The following RGS6 variants were observed in gnomAD, a reference collection of about 807,000 sequenced individuals.
RGS6 encodes regulator of G protein signaling 6, also known as regulator of G-protein signaling 6.
RGS6 carries 30 observed loss-of-function variants against 78.5 expected under a neutral mutation model. That is an observed-to-expected ratio of 0.38 (90% confidence interval 0.29 to 0.52). The LOEUF is 0.52. Among genes scored for constraint, RGS6 ranks in the 20% least tolerant of loss-of-function variants. The pLI is 0.85. For synonymous variants in RGS6, 206 were observed against 206.0 expected (o/e 1.00, Z 0.00); for missense variants, 495 against 609.7 (o/e 0.81, Z 1.98).
intron 3 of RGS6, among the ~76,000 whole-genome samples, chr14:72,399,479 T>C (rs2092045777): frequency 6.6e-6 from 1 of 152,068 alleles, no homozygotes. Flanking sequence ...GTCTTGACTC[T>C]ATCCAATTTG....
At chr14:72,189,617 A>G (rs1039232985) in intron 2 of RGS6, among the ~76,000 whole-genome samples, 9 of 152,088 alleles carry the variant, frequency 5.9e-5, no homozygotes, top group Non-Finnish European at 1.3e-4. Flanking sequence ...TAGTCATTAC[A>G]TACCTAGCTG....
At chr14:72,336,283 C>T (rs887700176) in intron 2 of RGS6, among the ~76,000 whole-genome samples, 7 of 152,268 alleles carry the variant, frequency 4.6e-5, no homozygotes, top group African/African-American at 1.7e-4. Context: ...ACTCCTGATT[C>T]TAGAAAACAG....
chr14:72,435,267 T>A (rs1429208492), intron 3 of RGS6, among the ~76,000 whole-genome samples: 1 of 152,220 alleles, frequency 6.6e-6, no homozygotes, highest in Non-Finnish European at 1.5e-5. Context: ...AGAATACATT[T>A]CTGTTGTCCT....
intron 8 of RGS6, among the ~76,000 whole-genome samples, chr14:72,471,358 G>A (rs1193499253): frequency 1.3e-5 from 2 of 152,168 alleles, no homozygotes; most frequent in Admixed American, 6.5e-5. Context: ...ATTGGATCTG[G>A]ATCTCCCCTG....
intron 2 of RGS6, among the ~76,000 whole-genome samples, chr14:72,038,511 C>G (rs1432805778): frequency 1.3e-5 from 2 of 152,222 alleles, no homozygotes; most frequent in South Asian, 4.2e-4. Context: ...ATACTATCTT[C>G]CAATTTTGAA....
At chr14:72,206,765 A>G (rs2042815260) in intron 2 of RGS6, among the ~76,000 whole-genome samples, 1 of 152,112 alleles carries the variant, frequency 6.6e-6, no homozygotes, top group Admixed American at 6.6e-5. Flanking sequence ...ATCATCTCCC[A>G]CTGGGTTCCT....
At chr14:72,513,999 C>T (rs2096910320) in intron 14 of RGS6, 1 of 152,228 alleles carries the variant, frequency 6.6e-6, no homozygotes. Flanking sequence ...CCAAGGAAGA[C>T]CTCAGAAGGT....
the RGS6 span, among the ~76,000 whole-genome samples, chr14:72,588,585 T>G: frequency 6.6e-6 from 1 of 152,196 alleles, no homozygotes; most frequent in Middle Eastern, 3.2e-3. Context: ...TTCCCCCTTC[T>G]GAGTAATGAG....
upstream of RGS6, among the ~76,000 whole-genome samples, chr14:71,929,311 CTTTACT>C: frequency 6.6e-6 from 1 of 152,202 alleles, no homozygotes; most frequent in Non-Finnish European, 1.5e-5. Context: ...CTGAAACCAT[CTTTACT>C]ATCATAGTCT....
rs547854599 is a variant in RGS6, at chr14:72,136,401, G to A, written c.84+171526G>A. Among the ~76,000 whole-genome samples the A allele has an allele frequency of 1.1e-3, 173 of 152,052 alleles. 1 individual carries two copies. Among genetic ancestry groups the A allele is most frequent in the African/African-American group, 3.4e-3 (139 of 41,474 alleles). On this transcript the variant is annotated intron_variant, in intron 2 of 17. Coordinates refer to ENST00000553525, the MANE Select transcript of RGS6 (RefSeq NM_001204424.2). Reference sequence around the variant, plus strand: ...TGCTGCTGAATAAAGACATATCGAAGACTGGGTAATTTAAAAGGAAAGAGG... The same window carrying A: ...TGCTGCTGAATAAAGACATATCGAAAACTGGGTAATTTAAAAGGAAAGAGG...
intron 2 of RGS6, among the ~76,000 whole-genome samples, chr14:71,979,249 G>C (rs928794528): frequency 8.0e-5 from 12 of 149,084 alleles, no homozygotes; most frequent in Admixed American, 6.7e-4. Flanking sequence ...AGGGTTTTTT[G>C]TGTCTCTATT....
At chr14:72,257,292 T>C (rs1736683879) in intron 2 of RGS6, among the ~76,000 whole-genome samples, 1 of 152,226 alleles carries the variant, frequency 6.6e-6, no homozygotes, top group East Asian at 1.9e-4. Flanking sequence ...ATTATTTCCA[T>C]CTTCATGTCC....
chr14:71,925,287 C>T, the RGS6 span, among the ~76,000 whole-genome samples: 1 of 152,156 alleles, frequency 6.6e-6, no homozygotes, highest in Non-Finnish European at 1.5e-5. Flanking sequence ...AATTGAGTTC[C>T]TAATGTATTT....
intron 2 of RGS6, among the ~76,000 whole-genome samples, chr14:71,981,348 G>A (rs556851525): frequency 2.0e-5 from 3 of 152,280 alleles, no homozygotes; most frequent in South Asian, 4.2e-4. Flanking sequence ...CTGCTTTTTA[G>A]AGTTTCCCGT....
chr14:72,459,534 G>T (rs2095720126), intron 5 of RGS6, 98 bp from the exon 6 acceptor site: 2 of 1,093,110 alleles, frequency 1.8e-6, no homozygotes, highest in Non-Finnish European at 2.8e-6. Flanking sequence ...AGAAGGAGAT[G>T]GGGGAGAGCC....
chr14:71,952,059 T>G (rs985788734), intron 1 of RGS6, among the ~76,000 whole-genome samples: 1 of 152,160 alleles, frequency 6.6e-6, no homozygotes, highest in Non-Finnish European at 1.5e-5. Context: ...ACAGTTAAAT[T>G]ACTTGTAAAA....
At chr14:72,491,179 T>C (rs2096573105) in intron 12 of RGS6, among the ~76,000 whole-genome samples, 1 of 152,206 alleles carries the variant, frequency 6.6e-6, no homozygotes, top group Admixed American at 6.5e-5. Context: ...CTGGCAATGC[T>C]TAAGGAAAAA....
At chr14:72,182,971 A>G (rs2097194010) in intron 2 of RGS6, among the ~76,000 whole-genome samples, 1 of 152,134 alleles carries the variant, frequency 6.6e-6, no homozygotes, top group South Asian at 2.1e-4. Flanking sequence ...TACTTCCATG[A>G]CCCACCCCGG....
chr14:72,540,173 C>G (rs771798921), intron 17 of RGS6, 79 bp downstream of exon 17: 5 of 1,450,808 alleles, frequency 3.4e-6, no homozygotes, highest in Non-Finnish European at 3.7e-6. Context: ...TTTTTTTTTC[C>G]CTTTGGTTGT....
Sources: gnomAD v4.1 joint callset for allele counts (sites outside exome capture counted in the v4.1 genomes callset) on GRCh38, gnomAD v4.1.1 for gene constraint, MANE v1.5 for transcripts, NCBI Gene and HGNC (gene_info 2026-07-23, HGNC 2026-07-21) for gene names.